TENM3: variants seen among roughly 807,000 people sequenced by gnomAD.
The protein encoded by TENM3 is teneurin transmembrane protein 3.
TENM3 carries 63 observed loss-of-function variants against 255.1 expected under a neutral mutation model. That is an observed-to-expected ratio of 0.25 (90% CI 0.20 to 0.30). The LOEUF (loss-of-function observed/expected upper bound fraction) is 0.30, where lower values mean the gene tolerates loss of function less well. TENM3 is among the 10% of genes least tolerant of loss of function. The pLI is 1.00. For missense variants in TENM3, 2,929 were observed against 3,461.1 expected (o/e 0.85, Z 3.86); for synonymous variants, 1,306 against 1,322.3 (o/e 0.99, Z 0.27).
chr4:182,485,704 A>G (rs1466811375), intron 3 of TENM3, among the ~76,000 whole-genome samples: 1 of 152,152 alleles, frequency 6.6e-6, no homozygotes, highest in African/African-American at 2.4e-5. Context: ...AATCTGAAAA[A>G]CCAGTATTTC....
the TENM3 span, among the ~76,000 whole-genome samples, chr4:182,082,764 G>A: frequency 1.3e-5 from 2 of 152,144 alleles, no homozygotes; most frequent in African/African-American, 2.4e-5. Flanking sequence ...AGGTATCTAC[G>A]AGCCTAGTGT....
At chr4:181,699,469 A>AAAAAG in the TENM3 span, among the ~76,000 whole-genome samples, 1 of 143,816 alleles carries the variant, frequency 7.0e-6, no homozygotes. Flanking sequence ...AAAAAAAAAA[A>AAAAAG]AAAGAAAGAA....
At chr4:181,814,227 G>A in the TENM3 span, among the ~76,000 whole-genome samples, 8 of 152,190 alleles carry the variant, frequency 5.3e-5, no homozygotes, top group South Asian at 4.2e-4. Flanking sequence ...CAACAAGGGC[G>A]ATACTAATGG....
chr4:182,269,569 G>A (rs72698057), intron 1 of TENM3, among the ~76,000 whole-genome samples: 2,500 of 151,888 alleles, frequency 0.016, 30 homozygotes, highest in Non-Finnish European at 0.021. Context: ...TCTAAAAATC[G>A]GACAAACTCT....
At chr4:182,742,789 T>A (rs1329342989) in intron 18 of TENM3, among the ~76,000 whole-genome samples, 1 of 152,210 alleles carries the variant, frequency 6.6e-6, no homozygotes, top group African/African-American at 2.4e-5. Context: ...TCAGACAAAT[T>A]AAACCACCAT....
the TENM3 span, among the ~76,000 whole-genome samples, chr4:181,859,684 C>T: frequency 0.011 from 1,637 of 152,260 alleles, 11 homozygotes; most frequent in Non-Finnish European, 0.018. Flanking sequence ...AACCAATTAT[C>T]CCAGCATGTC....
chr4:182,297,270 A>G (rs973819259), intron 1 of TENM3, among the ~76,000 whole-genome samples: 2 of 152,204 alleles, frequency 1.3e-5, no homozygotes, highest in Admixed American at 6.5e-5. Flanking sequence ...TTCACTATGC[A>G]GGTGACACTG....
the TENM3 span, among the ~76,000 whole-genome samples, chr4:182,023,010 C>G: frequency 6.6e-6 from 1 of 152,120 alleles, no homozygotes; most frequent in Non-Finnish European, 1.5e-5. Flanking sequence ...ACAGTGCTGT[C>G]AGCAGCAGAC....
At chr4:181,779,522 A>G in the TENM3 span, among the ~76,000 whole-genome samples, 1 of 152,006 alleles carries the variant, frequency 6.6e-6, no homozygotes, top group Non-Finnish European at 1.5e-5. Context: ...TTCTTAGCAT[A>G]TATTTTCAAT....
chr4:181,902,212 G>T, the TENM3 span, among the ~76,000 whole-genome samples: 1 of 147,770 alleles, frequency 6.8e-6, no homozygotes, highest in Non-Finnish European at 1.5e-5. Context: ...CCTATTAAAA[G>T]AGCAGAAAAT....
At chr4:182,511,151 C>T (rs1479254121) in intron 3 of TENM3, among the ~76,000 whole-genome samples, 1 of 152,096 alleles carries the variant, frequency 6.6e-6, no homozygotes, top group Non-Finnish European at 1.5e-5. Context: ...GAGTTTTTGC[C>T]CCTTACCCAG....
chr4:182,763,239 A>G (rs1376519692), intron 22 of TENM3, among the ~76,000 whole-genome samples: 3 of 152,256 alleles, frequency 2.0e-5, no homozygotes, highest in African/African-American at 4.8e-5. Context: ...AGCATCAGCT[A>G]GAAGAAAGAT....
chr4:181,996,053 A>G, the TENM3 span, among the ~76,000 whole-genome samples: 13 of 151,350 alleles, frequency 8.6e-5, no homozygotes, highest in Non-Finnish European at 1.8e-4. Flanking sequence ...ATGATGGTGG[A>G]TGAGTGTTAA....
the TENM3 span, among the ~76,000 whole-genome samples, chr4:181,886,481 A>C: frequency 6.6e-6 from 1 of 152,334 alleles, no homozygotes; most frequent in Non-Finnish European, 1.5e-5. Context: ...AATACATGAA[A>C]ATCATTAATT....
chr4:181,740,670 C>A, the TENM3 span, among the ~76,000 whole-genome samples: 1 of 150,064 alleles, frequency 6.7e-6, no homozygotes, highest in African/African-American at 2.5e-5. Context: ...CCTACACATT[C>A]CAAAAAATCA....
At chr4:182,498,992 T>C (rs2151636997) in intron 3 of TENM3, among the ~76,000 whole-genome samples, 1 of 152,270 alleles carries the variant, frequency 6.6e-6, no homozygotes, top group Middle Eastern at 3.4e-3. Flanking sequence ...ATCTCAGGAG[T>C]CTTAAGTTAT....
the TENM3 span, among the ~76,000 whole-genome samples, chr4:182,028,347 G>C: frequency 6.6e-6 from 1 of 151,994 alleles, no homozygotes; most frequent in African/African-American, 2.4e-5. Context: ...TATTTATTTG[G>C]ATCTTCTCTG....
chr4:182,621,218 A>G (rs925259012), intron 4 of TENM3, among the ~76,000 whole-genome samples: 1 of 151,490 alleles, frequency 6.6e-6, no homozygotes, highest in Admixed American at 6.6e-5. Flanking sequence ...GTCCCACTGT[A>G]TTGCCCAGGC....
intron 1 of TENM3, among the ~76,000 whole-genome samples, chr4:182,189,710 C>T (rs1447437282): frequency 2.6e-5 from 4 of 152,126 alleles, no homozygotes; most frequent in Non-Finnish European, 5.9e-5. Flanking sequence ...CATAATTAGT[C>T]ATGCCCATAA....
Sources: allele counts gnomAD v4.1 joint callset (sites outside exome capture counted in the v4.1 genomes callset), GRCh38; gene constraint gnomAD v4.1.1; transcripts MANE v1.5; gene names NCBI Gene and HGNC (gene_info 2026-07-23, HGNC 2026-07-21).